CFAP46: variants seen among roughly 807,000 people sequenced by gnomAD.
CFAP46 encodes cilia and flagella associated protein 46.
A neutral mutation model predicts 325.7 loss-of-function variants in CFAP46; 245 were observed. The ratio of observed to expected loss-of-function variants is 0.75; its 90% CI spans 0.68 to 0.84. The LOEUF (loss-of-function observed/expected upper bound fraction) is 0.84, where lower values mean the gene tolerates loss of function less well. Among genes scored for constraint, CFAP46 ranks in the 40% least tolerant of loss-of-function variants. CFAP46 has a pLI of 0.00. For missense variants in CFAP46, 3,346 were observed against 3,543.0 expected, an observed-to-expected ratio of 0.94 and a Z score of 1.41; for synonymous variants, 1,523 against 1,495.9, an observed-to-expected ratio of 1.02 and a Z score of -0.42.
In CFAP46 at chr10:132,869,065, GC is replaced by G. The variant is rs1407649204; in HGVS notation, c.4610+208del. On this transcript the variant is annotated intron_variant, in intron 33 of 57. Coordinates refer to ENST00000368586, the MANE Select transcript of CFAP46 (RefSeq NM_001200049.3). This position sits in a 1 kb window ranked among gnomAD's most constrained non-coding sequence, Gnocchi z 6.2. ...GCCACCCTGGAGAGCCCCCCTCACC[GC>G]CCCTCCCTCCCTCTGTGAGGAGCAC... 1.3e-5 allele frequency among the ~76,000 whole-genome samples: 2 copies of G among 152,030 alleles called. No homozygotes were observed. The highest frequency in any genetic ancestry group is 2.9e-5 in the Non-Finnish European group (2 of 67,984).
rs1849130942 is a variant in CFAP46 at position 132,886,360 on chromosome 10, T to G, written c.3305-401A>C. Among the ~76,000 whole-genome samples, 1 of 152,110 alleles carries G rather than the reference T, an allele frequency of 6.6e-6. No homozygotes were observed. On this transcript the variant is annotated intron_variant, in intron 25 of 57. Transcript: ENST00000368586. This position sits in a 1 kb window ranked among gnomAD's most constrained non-coding sequence, Gnocchi z 5.8. ...CGAGGACACAGCGCCACGTGCACGCTCGGGAGTCCTCATGCTTGGTGCCCG... is the reference window on the plus strand; with the variant it reads ...CGAGGACACAGCGCCACGTGCACGCGCGGGAGTCCTCATGCTTGGTGCCCG...
At chr10:132,866,553 G>A (rs530073013) in intron 34 of CFAP46, among the ~76,000 whole-genome samples, 3 of 152,216 alleles carry the variant, frequency 2.0e-5, no homozygotes, top group Non-Finnish European at 4.4e-5. Flanking sequence ...GCCTGCGGCT[G>A]TGCACCCGGC....
chr10:132,872,716 C>T lies in CFAP46; in HGVS notation c.4471G>A (p.Val1491Met), dbSNP rs371032785. 6.0e-5 allele frequency: 93 copies of T among 1,550,766 alleles called. No homozygotes were observed. The highest frequency in any genetic ancestry group is 9.8e-5 in the East Asian group (4 of 40,928). Residue 1491 changes from valine to methionine, a missense_variant, in exon 32 of 58, where the codon GTG becomes ATG. Physicochemically the swap from Val to Met is conservative, Grantham distance 21. Transcript: ENST00000368586. Reference sequence around the variant, plus strand: ...TCCGACAGGCCCTTGCTTCCCACCACGGAGTCCGAAATCAGCACCCCCAAC... The same window carrying T: ...TCCGACAGGCCCTTGCTTCCCACCATGGAGTCCGAAATCAGCACCCCCAAC... The part of the protein sequence containing the change: ...LQLGVLISDS[V>M]VGSKGLSDLY...
chr10:132,941,832 G>A, intron 2 of CFAP46, 110 bp from the exon 3 acceptor site: 2 of 1,546,868 alleles, frequency 1.3e-6, no homozygotes, highest in Non-Finnish European at 1.7e-6. Context: ...GGTGGAGCCT[G>A]TTTCCAGCCC....
In CFAP46 at chr10:132,830,152, C is replaced by CT. The variant is rs545205799; in HGVS notation, c.7117+3205dup. Among the ~76,000 whole-genome samples the CT allele has an allele frequency of 7.5e-3, 1,131 of 150,216 alleles. 16 individuals are homozygous for CT. The highest frequency in any genetic ancestry group is 0.024 in the African/African-American group (984 of 40,940). The stretch of plus-strand genomic sequence containing the variant: ...TTCTTTTCTTTTTCTTTTCTTTTTT[C>CT]TTTTTTTTTGAGATGGAGTCTCGCT... On this transcript the variant is annotated intron_variant, in intron 50 of 57. Coordinates refer to ENST00000368586, the MANE Select transcript of CFAP46 (RefSeq NM_001200049.3).
intron 56 of CFAP46, 148 bp from the exon 57 acceptor site, chr10:132,810,637 C>A (rs1462400050): frequency 1.3e-6 from 1 of 785,524 alleles, no homozygotes; most frequent in Non-Finnish European, 2.2e-6. Flanking sequence ...GCGTCGGCCA[C>A]TGGTTTGCCA....
In CFAP46 at chr10:132,886,298, G is replaced by A. The variant is rs1849129734; in HGVS notation, c.3305-339C>T. Among the ~76,000 whole-genome samples the A allele has an allele frequency of 6.6e-6, 1 of 152,188 alleles. No individual in the cohort carries two copies. Among genetic ancestry groups the A allele is most frequent in the Admixed American group, 6.5e-5 (1 of 15,282 alleles). On this transcript the variant is annotated intron_variant, in intron 25 of 57. Transcript: ENST00000368586. This position sits in a 1 kb window ranked among gnomAD's most constrained non-coding sequence, Gnocchi z 5.8. Reference sequence around the variant, plus strand: ...TAAAGATTGGCGAGCAGGACTTGGGGTCCTTTCAGGAGTTGCATGGAAAGC... The same window carrying A: ...TAAAGATTGGCGAGCAGGACTTGGGATCCTTTCAGGAGTTGCATGGAAAGC...
At position 132,909,318 on chromosome 10, in the gene CFAP46, C is replaced by T. The variant is rs773626714; in HGVS notation, c.2650-74G>A. 14 of 1,023,776 alleles carry T rather than the reference C, an allele frequency of 1.4e-5. No homozygotes were observed. The Admixed American group carries it at 2.4e-4, about 18-fold the overall frequency. The allele number at this position is 1,023,776 out of a possible 1,614,324, so 63.4% of individuals were successfully genotyped here. On this transcript the variant is annotated intron_variant, in intron 20 of 57. Transcript: ENST00000368586. Reference sequence around the variant, plus strand: ...GTCTGGAATATGCGTGAATTTAACACTGCAAGGTATTAGTTTTATGGCAAT... The same window carrying T: ...GTCTGGAATATGCGTGAATTTAACATTGCAAGGTATTAGTTTTATGGCAAT...
chr10:132,868,243 G>A (rs7923231), intron 33 of CFAP46, among the ~76,000 whole-genome samples: 13,073 of 151,914 alleles, frequency 0.086, 1,472 homozygotes, highest in African/African-American at 0.26. Flanking sequence ...ACCCCACATC[G>A]CGTTGGCCTC....
In CFAP46 at chr10:132,827,552, A is replaced by G. The variant is rs187206305; in HGVS notation, c.7117+5806T>C. 2.6e-3 allele frequency among the ~76,000 whole-genome samples: 390 copies of G among 152,102 alleles called. 1 individual carries two copies. The highest frequency in any genetic ancestry group is 7.7e-3 in the African/African-American group (319 of 41,508). ...TCCACGAGGCCTTGGGGTCACAGGA[A>G]GGCTCGGAGTGCCAGAGTACAGAGT... On this transcript the variant is annotated intron_variant, in intron 50 of 57. Transcript: ENST00000368586. The surrounding 1 kb of genome is among the most constrained non-coding windows in gnomAD (Gnocchi z 5.7).
chr10:132,879,827 G>A (rs761780241), intron 28 of CFAP46, among the ~76,000 whole-genome samples, 196 bp from the exon 29 acceptor site: 1 of 152,188 alleles, frequency 6.6e-6, no homozygotes, highest in African/African-American at 2.4e-5. Context: ...GAGCTTGGCT[G>A]CCCCCTCACC....
chr10:132,941,915 A>G, intron 2 of CFAP46, 65 bp downstream of exon 2: 14 of 1,539,604 alleles, frequency 9.1e-6, no homozygotes, highest in Non-Finnish European at 9.6e-6. Flanking sequence ...CATCCGCTGC[A>G]CACCCAGAGG....
Position 132,869,232 on chromosome 10 carries a change from G to T in CFAP46, c.4610+42C>A. On this transcript the variant is annotated intron_variant, in intron 33 of 57. Coordinates refer to ENST00000368586, the MANE Select transcript of CFAP46 (RefSeq NM_001200049.3). The surrounding 1 kb of genome is among the most constrained non-coding windows in gnomAD (Gnocchi z 6.2). ...GCTTTCACCTGGCCGCACCAAGGGC[G>T]AGACTCAAACCCCAGGCGGCGCAGG... is the stretch of plus-strand genomic sequence containing the variant. 6.8e-7 allele frequency: 1 copy of T among 1,472,474 alleles called. No individual in the cohort carries two copies. The highest frequency in any genetic ancestry group is 9.1e-7 in the Non-Finnish European group (1 of 1,098,010). 91.2% of individuals were successfully genotyped at this position (1,472,474 alleles called of 1,614,324 possible). A position where few individuals can be genotyped will look rare whatever the true frequency, so the allele number is the denominator to read the frequency against.
rs559831136 is a variant in CFAP46, at chr10:132,922,229, G to A, written c.1486-5C>T. The A allele has an allele frequency of 2.3e-5, 35 of 1,548,372 alleles. No homozygotes were observed. Among genetic ancestry groups the A allele is most frequent in the Non-Finnish European group, 3.0e-5 (34 of 1,145,528 alleles). ...CTTTGGTGTAGCTTTTTTTGCCTGT[G>A]AAAAGCAGAGACTGATGAGCAAGGG... On this transcript the variant is annotated splice_region_variant and splice_polypyrimidine_tract_variant and intron_variant, in intron 12 of 57. Transcript: ENST00000368586.
intron 50 of CFAP46, among the ~76,000 whole-genome samples, chr10:132,824,734 GTGTGTGC>G (rs1175371085): frequency 1.2e-5 from 1 of 81,134 alleles, no homozygotes; most frequent in East Asian, 3.0e-4. Flanking sequence ...TGTGTGCTGT[GTGTGTGC>G]TGTGTGCTGT....
chr10:132,895,134 T>G (rs1439594095), intron 24 of CFAP46, among the ~76,000 whole-genome samples: 1 of 152,206 alleles, frequency 6.6e-6, no homozygotes, highest in Non-Finnish European at 1.5e-5. Flanking sequence ...TTATGAGAGA[T>G]GCAATGGTGG....
chr10:132,842,011 G>A (rs73391244), intron 44 of CFAP46, among the ~76,000 whole-genome samples: 3 of 152,192 alleles, frequency 2.0e-5, no homozygotes, highest in African/African-American at 7.2e-5. Context: ...TTTGGTGAAC[G>A]GTCTAGAGCC....
At position 132,849,689 on chromosome 10, in the gene CFAP46, G is replaced by A. The variant is rs139214635; in HGVS notation, c.5952+555C>T. Among the ~76,000 whole-genome samples, 1,106 of 152,214 alleles carry A rather than the reference G, an allele frequency of 7.3e-3. 13 individuals carry two copies. The highest frequency in any genetic ancestry group is 0.024 in the African/African-American group (1,013 of 41,532). ...CTGGGCTGAGAGTGAAGAAGGTCCC[G>A]ACCGCCCTTCTCAGAGCCACCTGGG... On this transcript the variant is annotated intron_variant, in intron 41 of 57. Coordinates refer to ENST00000368586, the MANE Select transcript of CFAP46 (RefSeq NM_001200049.3).
intron 22 of CFAP46, among the ~76,000 whole-genome samples, chr10:132,900,154 T>C (rs1053688653): frequency 1.3e-5 from 2 of 152,178 alleles, no homozygotes; most frequent in African/African-American, 4.8e-5. Context: ...GACTAATCTT[T>C]AGAGGGACTT....
Sources: gnomAD v4.1 joint callset for allele counts (sites outside exome capture counted in the v4.1 genomes callset) on GRCh38, gnomAD v4.1.1 for gene constraint, Gnocchi (gnomAD v3.1) non-coding constraint, MANE v1.5 for transcripts, NCBI Gene and HGNC (gene_info 2026-07-23, HGNC 2026-07-21) for gene names.